The following DOCK2 variants were observed in gnomAD, a reference collection of about 807,000 sequenced individuals.
DOCK2 encodes the protein dedicator of cytokinesis protein 2.
Under a neutral mutation model 248.9 loss-of-function variants are expected in DOCK2, and 87 were observed. That is an observed-to-expected ratio of 0.35 (90% confidence interval 0.29 to 0.42). The LOEUF is 0.42. Ranked by LOEUF, DOCK2 falls within the 10% of genes least tolerant of loss-of-function variation. The pLI is 1.00. For synonymous variants in DOCK2, 805 were observed against 821.6 expected, an observed-to-expected ratio of 0.98 and a Z score of 0.35; for missense variants, 1,747 against 2,300.2, an observed-to-expected ratio of 0.76 and a Z score of 4.92.
At chr5:169,732,863 AT>A (rs1165916919) in intron 22 of DOCK2, among the ~76,000 whole-genome samples, 1 of 152,208 alleles carries the variant, frequency 6.6e-6, no homozygotes, top group Non-Finnish European at 1.5e-5. Flanking sequence ...TATAGCATCT[AT>A]AAATATAGAA....
chr5:169,700,266 G>A (rs2161405), intron 13 of DOCK2, 127 bp downstream of exon 13: 254,079 of 1,373,192 alleles, frequency 0.19, 25,394 homozygotes, highest in Non-Finnish European at 0.2. Flanking sequence ...TGTCCCTGAA[G>A]GTAACAACTA....
chr5:169,845,554 G>T (rs1320251635), intron 27 of DOCK2, among the ~76,000 whole-genome samples: 1 of 152,132 alleles, frequency 6.6e-6, no homozygotes, highest in African/African-American at 2.4e-5. Flanking sequence ...CCCTGAAAAT[G>T]CTGTCATTTC....
chr5:169,735,505 A>G (rs1484479255), intron 22 of DOCK2, among the ~76,000 whole-genome samples: 1 of 152,144 alleles, frequency 6.6e-6, no homozygotes. Context: ...GGCTAGGTCA[A>G]AGCTCCCTAT....
chr5:169,955,039 T>C (rs978940712), intron 27 of DOCK2, among the ~76,000 whole-genome samples: 7 of 152,212 alleles, frequency 4.6e-5, no homozygotes, highest in African/African-American at 1.7e-4. Flanking sequence ...GTCACAGGTC[T>C]CCACCAGCCA....
At position 169,925,512 on chromosome 5, in the gene DOCK2, G is replaced by A. The variant is rs543797738; in HGVS notation, c.2800-57556G>A. Among the ~76,000 whole-genome samples the A allele has an allele frequency of 3.0e-4, 45 of 149,308 alleles. 1 individual carries two copies. The highest frequency in any genetic ancestry group is 6.8e-3 in the Middle Eastern group (2 of 294). On this transcript the variant is annotated intron_variant, in intron 27 of 51. Transcript: ENST00000520908. ...GAAGAATCGCTTGAACCCAGGAGGT[G>A]GAGATTGCAATGAGCTAAGATCAGG...
At chr5:169,926,854 C>G (rs533384725) in intron 27 of DOCK2, among the ~76,000 whole-genome samples, 3 of 152,158 alleles carry the variant, frequency 2.0e-5, no homozygotes, top group Non-Finnish European at 4.4e-5. Context: ...ATGTCCCTCC[C>G]TCTAGGTCTT....
intron 30 of DOCK2, among the ~76,000 whole-genome samples, chr5:170,007,501 T>C (rs756389021): frequency 5.3e-5 from 8 of 152,230 alleles, no homozygotes; most frequent in Non-Finnish European, 8.8e-5. Context: ...TTTTGTGTCA[T>C]CTTTATCACA....
intron 12 of DOCK2, 89 bp from the exon 13 acceptor site, chr5:169,699,925 C>T (rs1760867555): frequency 8.3e-6 from 13 of 1,565,856 alleles, no homozygotes; most frequent in Non-Finnish European, 1.0e-5. Context: ...CAGTGATCTC[C>T]AGAAAGACAG....
At chr5:169,914,772 A>G (rs915289668) in intron 27 of DOCK2, among the ~76,000 whole-genome samples, 1 of 152,176 alleles carries the variant, frequency 6.6e-6, no homozygotes, top group South Asian at 2.1e-4. Context: ...CTTTGCCTCA[A>G]CCATGCCTTC....
intron 1 of DOCK2, among the ~76,000 whole-genome samples, chr5:169,649,192 G>A (rs1757658560): frequency 6.6e-6 from 1 of 152,204 alleles, no homozygotes; most frequent in Non-Finnish European, 1.5e-5. Flanking sequence ...TATTGCTTTT[G>A]TTCCTCTTAC....
chr5:169,997,361 C>G (rs981012593), intron 30 of DOCK2, among the ~76,000 whole-genome samples: 6 of 145,944 alleles, frequency 4.1e-5, no homozygotes, highest in Non-Finnish European at 3.0e-5. Context: ...ATGCCTTCCT[C>G]TTGTCTCAAC....
At chr5:169,957,575 C>T (rs919591299) in intron 27 of DOCK2, among the ~76,000 whole-genome samples, 6 of 152,304 alleles carry the variant, frequency 3.9e-5, no homozygotes, top group African/African-American at 1.4e-4. Flanking sequence ...CCTTGGTCTG[C>T]CTCTTTCTAC....
At position 170,002,764 on chromosome 5, in the gene DOCK2, C is replaced by G. The variant is rs1012110934; in HGVS notation, c.3073-5733C>G. Reference sequence around the variant, plus strand: ...TTAAATTTATTCCAGTTCTAACTCTCTATTGTCCTATAATTTCAAAATATT... The same window carrying G: ...TTAAATTTATTCCAGTTCTAACTCTGTATTGTCCTATAATTTCAAAATATT... On this transcript the variant is annotated intron_variant, in intron 30 of 51. Coordinates refer to ENST00000520908, the MANE Select transcript of DOCK2 (RefSeq NM_004946.3). 2.0e-5 allele frequency among the ~76,000 whole-genome samples: 3 copies of G among 152,232 alleles called. No homozygotes were observed. The East Asian group carries it at 5.8e-4, about 29-fold the overall frequency.
chr5:169,682,398 T>G (rs990750621), intron 7 of DOCK2, among the ~76,000 whole-genome samples: 6 of 152,216 alleles, frequency 3.9e-5, no homozygotes, highest in African/African-American at 1.2e-4. Context: ...TAGGACTGCA[T>G]TCTGACTATT....
At chr5:169,946,064 C>G (rs1255123107) in intron 27 of DOCK2, among the ~76,000 whole-genome samples, 1 of 152,124 alleles carries the variant, frequency 6.6e-6, no homozygotes, top group African/African-American at 2.4e-5. Context: ...TCCTCAGAGC[C>G]AAAGCTGTGT....
At chr5:169,813,891 C>T (rs1767906370) in intron 26 of DOCK2, among the ~76,000 whole-genome samples, 1 of 152,146 alleles carries the variant, frequency 6.6e-6, no homozygotes, top group Non-Finnish European at 1.5e-5. Context: ...ACTAGATGGC[C>T]AATCCCAAAA....
chr5:169,674,472 G>T (rs376223836), intron 6 of DOCK2, 27 bp downstream of exon 6: 6 of 1,611,656 alleles, frequency 3.7e-6, no homozygotes, highest in African/African-American at 1.3e-5. Flanking sequence ...CTGCAAAGAG[G>T]TTTTCTTCCC....
chr5:169,977,931 A>G (rs1247843389), intron 27 of DOCK2, among the ~76,000 whole-genome samples: 1 of 152,122 alleles, frequency 6.6e-6, no homozygotes, highest in Non-Finnish European at 1.5e-5. Context: ...CTGTTACATA[A>G]CCAGATGGCA....
chr5:169,914,278 C>T (rs1274153887), intron 27 of DOCK2, among the ~76,000 whole-genome samples: 2 of 152,198 alleles, frequency 1.3e-5, no homozygotes, highest in Non-Finnish European at 2.9e-5. Flanking sequence ...ATTCACCTTA[C>T]CCCATTCTTT....
Sources: gnomAD v4.1 joint callset for allele counts (sites outside exome capture counted in the v4.1 genomes callset) on GRCh38, gnomAD v4.1.1 for gene constraint, MANE v1.5 for transcripts, NCBI Gene and HGNC (gene_info 2026-07-23, HGNC 2026-07-21) for gene names.